The following PCDHAC1 variants were observed in gnomAD, a reference collection of about 807,000 sequenced individuals.
The protein encoded by PCDHAC1 is protocadherin alpha-C1.
A neutral mutation model predicts 60.0 loss-of-function variants in PCDHAC1; 42 were observed. That is an observed-to-expected ratio of 0.70 (90% CI 0.55 to 0.90). PCDHAC1 has a LOEUF of 0.90. PCDHAC1 is among the 40% of genes least tolerant of loss of function. PCDHAC1 has a pLI of 0.00. For missense variants in PCDHAC1, 1,160 were observed against 1,222.3 expected (o/e 0.95, Z 0.76); for synonymous variants, 468 against 499.3 (o/e 0.94, Z 0.84).
chr5:140,969,506 G>T, intron 1 of PCDHAC1: 1 of 1,427,058 alleles, frequency 7.0e-7, no homozygotes, highest in Non-Finnish European at 9.3e-7. Flanking sequence ...TAGAAAAATA[G>T]CACTAAAGAA....
chr5:140,967,425 C>G, intron 1 of PCDHAC1: 2 of 1,613,296 alleles, frequency 1.2e-6, no homozygotes, highest in Non-Finnish European at 1.7e-6. Context: ...CGGGAGCAGG[C>G]AGCCTTGCAC....
At chr5:141,004,213 GGTCA>G (rs3842022) in intron 3 of PCDHAC1, among the ~76,000 whole-genome samples, 2 of 152,208 alleles carry the variant, frequency 1.3e-5, no homozygotes, top group East Asian at 3.8e-4. Context: ...CAGATTAGGA[GGTCA>G]GTCAGTGTTT....
In PCDHAC1 at chr5:140,928,308, C is replaced by T. The variant is rs1554205728; in HGVS notation, c.1416C>T (p.Pro472=). The change falls in exon 1 of 4, where the codon CCC becomes CCT. Residue 472 remains proline (P), a synonymous_variant. Transcript: ENST00000253807. The part of the protein sequence containing the change: ...ASLGRVFAQD[P]DLGKNGLVSY... The stretch of plus-strand genomic sequence containing the variant: ...TAGGCCGAGTGTTTGCCCAGGACCC[C>T]GACCTGGGGAAGAATGGCCTTGTCT... 3.7e-6 allele frequency: 6 copies of T among 1,614,008 alleles called. No individual in the cohort carries two copies. The South Asian group carries it at 5.5e-5, about 15-fold the overall frequency.
intron 1 of PCDHAC1, chr5:140,930,305 T>C (rs1554207723): frequency 6.6e-6 from 1 of 152,252 alleles, no homozygotes; most frequent in Non-Finnish European, 1.5e-5. Flanking sequence ...TAAGTAAATA[T>C]CATATTTGAG....
Position 141,010,344 on chromosome 5 carries a change from G to A in PCDHAC1, c.*407G>A, listed in dbSNP as rs1011321402. On this transcript the variant is annotated 3_prime_UTR_variant, in exon 4 of 4. Coordinates refer to ENST00000253807, the MANE Select transcript of PCDHAC1 (RefSeq NM_018898.5). Reference sequence around the variant, plus strand: ...CAGCTTGGGAGTTTGTGGCCACTGGGTATGTGTGGCTACCGCGGGTATGCG... The same window carrying A: ...CAGCTTGGGAGTTTGTGGCCACTGGATATGTGTGGCTACCGCGGGTATGCG... 3 of 1,518,888 alleles carry A rather than the reference G, an allele frequency of 2.0e-6. No homozygotes were observed. The Admixed American group carries it at 6.4e-5, about 33-fold the overall frequency. 94.1% of individuals were successfully genotyped at this position (1,518,888 alleles called of 1,614,324 possible).
At chr5:140,942,619 TAA>T (rs35075175) in intron 1 of PCDHAC1, among the ~76,000 whole-genome samples, 10 of 148,966 alleles carry the variant, frequency 6.7e-5, no homozygotes, top group Middle Eastern at 3.4e-3. Context: ...TTGCCAATTG[TAA>T]AAAAAAAAAT....
At chr5:140,940,369 T>C (rs1554213311) in intron 1 of PCDHAC1, among the ~76,000 whole-genome samples, 1 of 152,212 alleles carries the variant, frequency 6.6e-6, no homozygotes, top group Admixed American at 6.5e-5. Context: ...AAAGTATTCC[T>C]TGAGTTGTTA....
At chr5:140,942,876 T>C (rs2093384814) in intron 1 of PCDHAC1, among the ~76,000 whole-genome samples, 1 of 152,052 alleles carries the variant, frequency 6.6e-6, no homozygotes, top group Non-Finnish European at 1.5e-5. Context: ...GCATGACAAC[T>C]TTTTTCCTAA....
chr5:141,009,770 A>T lies in PCDHAC1; in HGVS notation c.2725A>T (p.Ile909Phe). The part of the protein sequence containing the change: ...DKFIIPGSPA[I>F]ISIRQEPTNS... The stretch of plus-strand genomic sequence containing the variant: ...ATTCATTATCCCAGGATCTCCTGCA[A>T]TCATCTCCATCCGGCAGGAGCCTAC... The change falls in exon 4 of 4, where the codon ATC becomes TTC. Residue 909 changes from isoleucine to phenylalanine, a missense_variant. Transcript: ENST00000253807. 6.2e-7 allele frequency: 1 copy of T among 1,614,160 alleles called. No homozygotes were observed. The highest frequency in any genetic ancestry group is 8.5e-7 in the Non-Finnish European group (1 of 1,180,028).
At chr5:140,940,965 A>G (rs2092710706) in intron 1 of PCDHAC1, among the ~76,000 whole-genome samples, 1 of 152,226 alleles carries the variant, frequency 6.6e-6, no homozygotes, top group Admixed American at 6.5e-5. Context: ...AATATGCAGG[A>G]TATCTGGTAT....
intron 3 of PCDHAC1, among the ~76,000 whole-genome samples, chr5:141,003,915 C>T (rs2153979429): frequency 6.6e-6 from 1 of 152,298 alleles, no homozygotes; most frequent in African/African-American, 2.4e-5. Context: ...GTCTTGACTG[C>T]ATCCTCAGTC....
intron 2 of PCDHAC1, among the ~76,000 whole-genome samples, chr5:140,980,855 C>T (rs1313101029): frequency 2.6e-5 from 4 of 151,960 alleles, no homozygotes; most frequent in South Asian, 2.1e-4. Flanking sequence ...TAATCTTTTT[C>T]GTATGTGTGC....
intron 3 of PCDHAC1, among the ~76,000 whole-genome samples, chr5:140,988,630 G>A (rs184253041): frequency 3.1e-4 from 47 of 152,192 alleles, no homozygotes; most frequent in African/African-American, 1.1e-3. Context: ...AGATGTCCTG[G>A]TTTTCTGAAA....
chr5:140,989,132 C>T (rs943262599), intron 3 of PCDHAC1: 2 of 152,216 alleles, frequency 1.3e-5, no homozygotes, highest in Admixed American at 1.3e-4. Context: ...AAATAAGACA[C>T]TTTATCCCTT....
rs189936741 is a variant in PCDHAC1, at chr5:140,928,492, C to T, written c.1600C>T (p.Pro534Ser). The T allele has an allele frequency of 1.5e-5, 24 of 1,614,150 alleles. No individual in the cohort carries two copies. In the East Asian group the frequency reaches 5.3e-4, roughly 36 times the overall value. ...QVEGRDGGIP[P>S]RSATVTINLF... ...AGAAGGCCGGGATGGTGGCATTCCT[C>T]CCAGAAGTGCAACAGTGACTATAAA... Residue 534 changes from proline (P) to serine (S), a missense_variant, in exon 1 of 4, where the codon CCC (proline) becomes TCC (serine). Around this residue, in one of 3 missense-constraint regions of PCDHAC1, gnomAD observed 1,113 missense variants for 1,163.7 expected, o/e 0.96. Transcript: ENST00000253807.
At chr5:140,968,162 C>A in intron 1 of PCDHAC1, 1 of 1,614,122 alleles carries the variant, frequency 6.2e-7, no homozygotes, top group East Asian at 2.2e-5. Flanking sequence ...CAATGACAAT[C>A]CACCAAGCTT....
chr5:140,942,532 A>G (rs1474733493), intron 1 of PCDHAC1, among the ~76,000 whole-genome samples: 2 of 152,142 alleles, frequency 1.3e-5, no homozygotes, highest in Non-Finnish European at 2.9e-5. Context: ...CAACTAACTC[A>G]GTATGGTGGG....
intron 1 of PCDHAC1, among the ~76,000 whole-genome samples, chr5:140,957,475 A>G (rs2095362490): frequency 6.6e-6 from 1 of 152,192 alleles, no homozygotes; most frequent in Non-Finnish European, 1.5e-5. Flanking sequence ...ATGTATAGGA[A>G]AAAACATAGT....
intron 3 of PCDHAC1, among the ~76,000 whole-genome samples, chr5:141,008,970 G>A (rs147776833): frequency 6.6e-6 from 1 of 152,236 alleles, no homozygotes; most frequent in East Asian, 1.9e-4. Flanking sequence ...TACATTTATA[G>A]CCAAAGTTTA....
Sources: gnomAD v4.1 joint callset for allele counts (sites outside exome capture counted in the v4.1 genomes callset) on GRCh38, gnomAD v4.1.1 for gene constraint, gnomAD v4.1.1 regional missense constraint, MANE v1.5 for transcripts, NCBI Gene and HGNC (gene_info 2026-07-23, HGNC 2026-07-21) for gene names.